Variants in CAMK1 observed in about 807,000 individuals in gnomAD.
The protein encoded by CAMK1 is calcium/calmodulin dependent protein kinase I.
A neutral mutation model predicts 49.1 loss-of-function variants in CAMK1; 39 were observed. That is an observed-to-expected ratio of 0.79 (90% CI 0.62 to 1.04). The LOEUF is 1.04. Ranked by LOEUF, CAMK1 falls within the 50% of genes least tolerant of loss-of-function variation. The pLI is 0.00. For missense variants in CAMK1, 457 were observed against 472.2 expected (o/e 0.97, Z 0.30); for synonymous variants, 192 against 185.2 (o/e 1.04, Z -0.30).
intron 1 of CAMK1, among the ~76,000 whole-genome samples, chr3:9,768,576 A>C (rs997058408): frequency 6.6e-6 from 1 of 152,112 alleles, no homozygotes; most frequent in Non-Finnish European, 1.5e-5. Flanking sequence ...CCCTAATGAC[A>C]CCTGGCCTGG....
Position 9,765,859 on chromosome 3 carries a change from C to A in CAMK1, c.115G>T (p.Asp39Tyr), listed in dbSNP as rs1396548123. The change falls in exon 3 of 12, where the codon GAT (aspartate) becomes TAT (tyrosine). Residue 39 changes from aspartate (D) to tyrosine (Y), a missense_variant. Transcript: ENST00000256460. ...GAFSEVILAEDKRTQKLVAIK... is the reference protein window; with the variant it reads ...GAFSEVILAEYKRTQKLVAIK... ...GCCACCAGCTTCTGCGTCCTCTTAT[C>A]TTCTGCCAGGATCACCTCCGAGAAG... The A allele has an allele frequency of 6.2e-7, 1 of 1,614,028 alleles. No individual in the cohort carries two copies. The highest frequency in any genetic ancestry group is 8.5e-7 in the Non-Finnish European group (1 of 1,179,970).
chr3:9,758,094 T>A, intron 10 of CAMK1: 1 of 473,028 alleles, frequency 2.1e-6, no homozygotes, highest in Non-Finnish European at 3.6e-6. Flanking sequence ...TAATTCATAT[T>A]AATATGTAAT....
rs552415701 is a variant in CAMK1, at chr3:9,759,892, A to G, written c.746-142T>C. On this transcript the variant is annotated intron_variant, in intron 8 of 11. Transcript: ENST00000256460. Reference sequence around the variant, plus strand: ...GTCCATGCCCCACCCCACCCAACCTATGCTCTTCTTCAGGCCCTCCCACCC... The same window carrying G: ...GTCCATGCCCCACCCCACCCAACCTGTGCTCTTCTTCAGGCCCTCCCACCC... 7.0e-5 allele frequency: 98 copies of G among 1,408,860 alleles called. No individual in the cohort carries two copies. The East Asian group carries it at 7.9e-4, about 11-fold the overall frequency. The allele number at this position is 1,408,860 out of a possible 1,614,324, so 87.3% of individuals were successfully genotyped here. A position where few individuals can be genotyped will look rare whatever the true frequency, so the allele number is the denominator to read the frequency against.
At chr3:9,759,862 A>C (rs1295423049) in intron 8 of CAMK1, 112 bp from the exon 9 acceptor site, 1 of 1,588,304 alleles carries the variant, frequency 6.3e-7, no homozygotes, top group South Asian at 1.1e-5. Flanking sequence ...AAAGAGGCCA[A>C]ATCAGTCCAT....
At chr3:9,765,649 C>A (rs536425725) in intron 3 of CAMK1, 110 bp downstream of exon 3, 102 of 1,263,222 alleles carry the variant, frequency 8.1e-5, no homozygotes, top group South Asian at 5.5e-4. Context: ...TATAAAGGGG[C>A]AATTTAAGGC....
chr3:9,761,439 A>G, intron 7 of CAMK1, 22 bp downstream of exon 7: 1 of 1,600,252 alleles, frequency 6.2e-7, no homozygotes, highest in African/African-American at 1.3e-5. Flanking sequence ...GCCACAGCCT[A>G]CCATGGCCAA....
In CAMK1 at chr3:9,769,921, CCA is replaced by C. The variant is rs1328068862; in HGVS notation, c.-124_-123del. On this transcript the variant is annotated 5_prime_UTR_variant, in exon 1 of 12. Transcript: ENST00000256460. ...CGGTCCTCACCGCTGCGTGCCTGGG[CCA>C]CCCGCCCGCGCTCTTGCTGGAGCTG... The C allele has an allele frequency of 3.9e-5, 6 of 152,372 alleles. No homozygotes were observed. The highest frequency in any genetic ancestry group is 7.3e-5 in the Non-Finnish European group (5 of 68,072). 9.4% of individuals were successfully genotyped at this position (152,372 alleles called of 1,614,324 possible). A position where few individuals can be genotyped will look rare whatever the true frequency, so the allele number is the denominator to read the frequency against.
Position 9,760,699 on chromosome 3 carries a change from C to T in CAMK1, c.702G>A (p.Glu234=), listed in dbSNP as rs945881488. The T allele has an allele frequency of 5.3e-5, 86 of 1,614,002 alleles. No homozygotes were observed. Among genetic ancestry groups the T allele is most frequent in the Non-Finnish European group, 6.9e-5 (82 of 1,180,010 alleles). The change falls in exon 8 of 12, where the codon GAG becomes GAA. Residue 234 remains glutamate (E), a synonymous_variant. Transcript: ENST00000256460. ...CCCAGTAAGGAGAGTCAAACTCGTA[C>T]TCGGCCTTCAAAATCTGTTCAAAGA... The part of the protein sequence containing the change: ...AKLFEQILKA[E]YEFDSPYWDD...
chr3:9,763,852 G>A (rs563977538), intron 3 of CAMK1, among the ~76,000 whole-genome samples: 16 of 152,238 alleles, frequency 1.1e-4, no homozygotes, highest in African/African-American at 2.9e-4. Context: ...CAGGCATGGT[G>A]GCACATGCCT....
At chr3:9,766,465 C>A in intron 2 of CAMK1, 1 of 401,934 alleles carries the variant, frequency 2.5e-6, no homozygotes, top group Non-Finnish European at 4.6e-6. Flanking sequence ...ATCTCTACTG[C>A]TTTGGATCCT....
At chr3:9,764,617 G>GTTTT (rs202012854) in intron 3 of CAMK1, among the ~76,000 whole-genome samples, 18 of 93,426 alleles carry the variant, frequency 1.9e-4, no homozygotes, top group Admixed American at 4.8e-4. Flanking sequence ...TGGCGTTTTT[G>GTTTT]TTTTTTTTTT....
chr3:9,761,983 C>A, intron 5 of CAMK1: 1 of 541,934 alleles, frequency 1.8e-6, no homozygotes, highest in Non-Finnish European at 3.2e-6. Flanking sequence ...CTCAGGTGTG[C>A]ACTGTAAAGC....
rs1163262271 is a variant in CAMK1 at position 9,761,542 on chromosome 3, G to A, written c.557-6C>T. 2 of 1,613,518 alleles carry A rather than the reference G, an allele frequency of 1.2e-6. No homozygotes were observed. The highest frequency in any genetic ancestry group is 8.5e-7 in the Non-Finnish European group (1 of 1,179,592). On this transcript the variant is annotated splice_region_variant and splice_polypyrimidine_tract_variant and intron_variant, in intron 6 of 11. Transcript: ENST00000256460. ...CTGGGCCAGGACTTCAGGGGCTGTG[G>A]AGGGAAGAGGACGTGGTGGTGACAA...
chr3:9,766,345 T>C (rs1313755877), intron 2 of CAMK1: 5 of 675,212 alleles, frequency 7.4e-6, no homozygotes, highest in South Asian at 1.5e-5. Context: ...GGATTATGTG[T>C]ACAGTTGGTT....
At chr3:9,765,208 C>A (rs1302164176) in intron 3 of CAMK1, among the ~76,000 whole-genome samples, 1 of 148,570 alleles carries the variant, frequency 6.7e-6, no homozygotes, top group Non-Finnish European at 1.5e-5. Context: ...GCCGGGGCAA[C>A]AGAGTGAGAC....
chr3:9,769,761 C>G (rs1408537557), intron 1 of CAMK1, 71 bp downstream of exon 1: 1 of 152,218 alleles, frequency 6.6e-6, no homozygotes, highest in African/African-American at 2.4e-5. Context: ...GGAAAGGATA[C>G]CCAGAGGCTA....
At position 9,764,635 on chromosome 3, in the gene CAMK1, T is replaced by G. The variant is rs1226922270; in HGVS notation, c.215+1124A>C. Among the ~76,000 whole-genome samples, 80 of 147,686 alleles carry G rather than the reference T, an allele frequency of 5.4e-4. 1 individual carries two copies. Among genetic ancestry groups the G allele is most frequent in the Non-Finnish European group, 7.6e-4 (51 of 66,898 alleles). On this transcript the variant is annotated intron_variant, in intron 3 of 11. Transcript: ENST00000256460. Reference sequence around the variant, plus strand: ...CGTTTTTGTTTTTTTTTTGTTTTTTTTTTTTTTTTTGAGATGGAGTTTTGC... The same window carrying G: ...CGTTTTTGTTTTTTTTTTGTTTTTTGTTTTTTTTTTGAGATGGAGTTTTGC...
chr3:9,759,823 C>T, intron 8 of CAMK1, 73 bp from the exon 9 acceptor site: 1 of 1,612,770 alleles, frequency 6.2e-7, no homozygotes, highest in South Asian at 1.1e-5. Flanking sequence ...AGCATACCCA[C>T]TCCCTCAGGT....
chr3:9,767,673 A>G lies in CAMK1; in HGVS notation c.77T>C (p.Leu26Pro). 6.2e-7 allele frequency: 1 copy of G among 1,614,094 alleles called. No homozygotes were observed. The highest frequency in any genetic ancestry group is 8.5e-7 in the Non-Finnish European group (1 of 1,179,992). The change falls in exon 2 of 12, where the codon CTG becomes CCG. Residue 26 changes from leucine (L) to proline (P), a missense_variant. Physicochemically the swap from Leu to Pro is moderately conservative, Grantham distance 98. Transcript: ENST00000256460. ...AATCCTGCCCTGGACTCACGTGCCC[A>G]GAACATCTCGGAAGTCGTAGATGTC... The part of the protein sequence containing the change: ...IRDIYDFRDV[L>P]GTGAFSEVIL...
Sources: allele counts gnomAD v4.1 joint callset (sites outside exome capture counted in the v4.1 genomes callset), GRCh38; gene constraint gnomAD v4.1.1; transcripts MANE v1.5; gene names NCBI Gene and HGNC (gene_info 2026-07-23, HGNC 2026-07-21).